FUT8: variants seen among roughly 807,000 people sequenced by gnomAD.
FUT8 encodes the protein fucosyltransferase 8.
FUT8 carries 29 observed loss-of-function variants against 71.3 expected under a neutral mutation model. That is an observed-to-expected ratio of 0.41 (90% CI 0.30 to 0.55). FUT8 has a LOEUF of 0.55. Ranked by LOEUF, FUT8 falls within the 20% of genes least tolerant of loss-of-function variation. The pLI, the probability that FUT8 is intolerant of heterozygous loss-of-function variation, is 0.34. For missense variants in FUT8, 544 were observed against 702.1 expected (o/e 0.77, Z 2.55); for synonymous variants, 254 against 239.3 (o/e 1.06, Z -0.57).
chr14:65,729,678 C>A (rs1280913945), intron 9 of FUT8, among the ~76,000 whole-genome samples: 1 of 152,110 alleles, frequency 6.6e-6, no homozygotes, highest in African/African-American at 2.4e-5. Flanking sequence ...CCACACTCAG[C>A]TAGATATAAA....
chr14:65,469,184 A>G (rs1443102773), intron 2 of FUT8, among the ~76,000 whole-genome samples: 2 of 152,140 alleles, frequency 1.3e-5, no homozygotes, highest in African/African-American at 2.4e-5. Flanking sequence ...CTCAAAACAT[A>G]TATATAAAAA....
At chr14:65,503,442 C>T (rs1328606383) in intron 2 of FUT8, among the ~76,000 whole-genome samples, 1 of 152,208 alleles carries the variant, frequency 6.6e-6, no homozygotes, top group Non-Finnish European at 1.5e-5. Flanking sequence ...CTGCTTTTGA[C>T]AGTTTCATAT....
the FUT8 span, among the ~76,000 whole-genome samples, chr14:65,362,818 C>T: frequency 4.6e-5 from 7 of 151,560 alleles, no homozygotes; most frequent in African/African-American, 7.2e-5. Flanking sequence ...AAAAATTAGC[C>T]GGGCGTGGTG....
intron 7 of FUT8, among the ~76,000 whole-genome samples, chr14:65,691,148 C>A (rs563370057): frequency 1.3e-5 from 2 of 151,348 alleles, no homozygotes; most frequent in African/African-American, 4.9e-5. Context: ...GTTGCCAACT[C>A]TTGGGATTTC....
chr14:65,652,777 C>T lies in FUT8; in HGVS notation c.598-16466C>T, dbSNP rs1172880593. ...ATGAATGAAACTTCTACTAAACCTA[C>T]CTATACTCCAGCTGTCCCTGTTAAC... On this transcript the variant is annotated intron_variant, in intron 6 of 10. Coordinates refer to ENST00000673929, the MANE Select transcript of FUT8 (RefSeq NM_001371533.1). The surrounding 1 kb of genome is among the most constrained non-coding windows in gnomAD (Gnocchi z 4.0). Among the ~76,000 whole-genome samples the T allele has an allele frequency of 1.3e-5, 2 of 152,122 alleles. No homozygotes were observed. The highest frequency in any genetic ancestry group is 2.9e-5 in the Non-Finnish European group (2 of 68,024).
chr14:65,636,738 C>T (rs943568966), intron 6 of FUT8: 4 of 152,046 alleles, frequency 2.6e-5, no homozygotes, highest in African/African-American at 9.7e-5. Context: ...ATTTTATTAA[C>T]CTGTATATTG....
In FUT8 at chr14:65,561,410, C is replaced by G; in HGVS notation, c.-154C>G. ...ACCAGGAGGATCTCTTTGAAAGATT[C>G]ACTGCAGGACTACCAGAGAGAATAA... On this transcript the variant is annotated 5_prime_UTR_variant, in exon 3 of 11. It introduces an in-frame stop codon into an upstream open reading frame of the 5' UTR. Transcript: ENST00000673929. The G allele has an allele frequency of 1.5e-6, 1 of 671,670 alleles. No individual in the cohort carries two copies. The highest frequency in any genetic ancestry group is 1.9e-5 in the South Asian group (1 of 52,782). The allele number at this position is 671,670 out of a possible 1,614,324, so 41.6% of individuals were successfully genotyped here. A position where few individuals can be genotyped will look rare whatever the true frequency, so the allele number is the denominator to read the frequency against.
chr14:65,689,921 C>T (rs112694928), intron 7 of FUT8, among the ~76,000 whole-genome samples: 2 of 152,176 alleles, frequency 1.3e-5, no homozygotes, highest in Non-Finnish European at 1.5e-5. Flanking sequence ...TATCTGAAAA[C>T]TCATTGCCAA....
chr14:65,653,566 A>G (rs1287029417), intron 6 of FUT8, among the ~76,000 whole-genome samples: 1 of 152,224 alleles, frequency 6.6e-6, no homozygotes, highest in Non-Finnish European at 1.5e-5. Flanking sequence ...ATACTTTTTA[A>G]GTAATTTGCT....
chr14:65,687,973 T>G (rs1893380967), intron 7 of FUT8, among the ~76,000 whole-genome samples: 1 of 152,202 alleles, frequency 6.6e-6, no homozygotes, highest in African/African-American at 2.4e-5. Flanking sequence ...GAAGCAGTTC[T>G]TTTGCCTGGG....
At chr14:65,443,699 A>C (rs1353929283) in intron 1 of FUT8, among the ~76,000 whole-genome samples, 1 of 147,466 alleles carries the variant, frequency 6.8e-6, no homozygotes, top group East Asian at 2.0e-4. Context: ...CAGCCTAGGC[A>C]ACAGAGCAGG....
chr14:65,479,506 G>T (rs1387980581), intron 2 of FUT8, among the ~76,000 whole-genome samples: 1 of 152,066 alleles, frequency 6.6e-6, no homozygotes, highest in Non-Finnish European at 1.5e-5. Context: ...GTGAGATTCA[G>T]CATTTTCCAT....
intron 2 of FUT8, among the ~76,000 whole-genome samples, chr14:65,505,641 T>G (rs2066720428): frequency 6.6e-6 from 1 of 152,132 alleles, no homozygotes; most frequent in African/African-American, 2.4e-5. Context: ...GACTTTGTTT[T>G]GGAGTTTCAG....
chr14:65,714,129 C>T (rs1894938859), intron 7 of FUT8, among the ~76,000 whole-genome samples: 2 of 152,188 alleles, frequency 1.3e-5, no homozygotes, highest in African/African-American at 2.4e-5. Context: ...AAGAGAGTTT[C>T]CTTTCCTCAG....
At chr14:65,571,427 A>T (rs528412013) in intron 3 of FUT8, among the ~76,000 whole-genome samples, 1 of 152,146 alleles carries the variant, frequency 6.6e-6, no homozygotes, top group Non-Finnish European at 1.5e-5. Context: ...CAGATGATCC[A>T]TAGTTTCCCT....
Position 65,607,480 on chromosome 14 carries a change from A to C in FUT8, c.204-8498A>C. 6.6e-6 allele frequency among the ~76,000 whole-genome samples: 1 copy of C among 152,006 alleles called. No individual in the cohort carries two copies. Among genetic ancestry groups the C allele is most frequent in the Non-Finnish European group, 1.5e-5 (1 of 67,920 alleles). ...TTATTTTGTTTTAATTTGTTAATGT[A>C]ATCAATTTAAATTAATAGTTTTTCT... On this transcript the variant is annotated intron_variant, in intron 3 of 10. Transcript: ENST00000673929. This position sits in a 1 kb window ranked among gnomAD's most constrained non-coding sequence, Gnocchi z 4.1.
At chr14:65,717,202 C>CG (rs1895140139) in intron 7 of FUT8, among the ~76,000 whole-genome samples, 2 of 120,418 alleles carry the variant, frequency 1.7e-5, no homozygotes, top group Admixed American at 8.6e-5. Context: ...CGGGCAGAGG[C>CG]GCTCCTCACC....
chr14:65,570,576 C>T (rs574853448), intron 3 of FUT8, among the ~76,000 whole-genome samples: 4 of 152,130 alleles, frequency 2.6e-5, no homozygotes, highest in South Asian at 2.1e-4. Flanking sequence ...CTGACATACA[C>T]GATTTCCATT....
intron 7 of FUT8, among the ~76,000 whole-genome samples, chr14:65,685,107 G>T (rs1031195989): frequency 3.9e-5 from 6 of 152,144 alleles, no homozygotes; most frequent in Non-Finnish European, 7.3e-5. Flanking sequence ...ATTTAGGCTA[G>T]TGACTACCAG....
Sources: gnomAD v4.1 joint callset for allele counts (sites outside exome capture counted in the v4.1 genomes callset) on GRCh38, gnomAD v4.1.1 for gene constraint, Gnocchi (gnomAD v3.1) non-coding constraint, MANE v1.5 for transcripts, NCBI Gene and HGNC (gene_info 2026-07-23, HGNC 2026-07-21) for gene names.